The following VAV2 variants were observed in gnomAD, a reference collection of about 807,000 sequenced individuals.
VAV2 encodes vav guanine nucleotide exchange factor 2, also known as guanine nucleotide exchange factor VAV2.
VAV2 carries 67 observed loss-of-function variants against 132.5 expected under a neutral mutation model. That is an observed-to-expected ratio of 0.51 (90% confidence interval 0.42 to 0.62). The LOEUF is 0.62. Ranked by LOEUF, VAV2 falls within the 20% of genes least tolerant of loss-of-function variation. The probability of loss-of-function intolerance (pLI) is 0.00; values close to 1 mark genes in which losing one functional copy is unlikely to be tolerated. For missense variants in VAV2, 938 were observed against 1,153.6 expected (o/e 0.81, Z 2.71); for synonymous variants, 492 against 443.5 (o/e 1.11, Z -1.37).
At chr9:133,915,939 T>TACATGTACACACGATGC (rs1840071190) in intron 2 of VAV2, among the ~76,000 whole-genome samples, 1 of 149,562 alleles carries the variant, frequency 6.7e-6, no homozygotes, top group Non-Finnish European at 1.5e-5. Flanking sequence ...GCACACGATG[T>TACATGTACACACGATGC]ACATGTACAC....
At chr9:133,868,141 A>G (rs1588289552) in intron 2 of VAV2, among the ~76,000 whole-genome samples, 1 of 152,362 alleles carries the variant, frequency 6.6e-6, no homozygotes, top group East Asian at 1.9e-4. Flanking sequence ...AGGTGGCCAC[A>G]GGAATCCTCG....
chr9:133,797,664 T>A, intron 10 of VAV2, 46 bp downstream of exon 10: 2 of 1,571,594 alleles, frequency 1.3e-6, no homozygotes, highest in African/African-American at 1.3e-5. Flanking sequence ...GCCTGCAAGC[T>A]GCAACCTTGG....
chr9:133,776,022 A>T lies in VAV2; in HGVS notation c.2018+6T>A. On this transcript the variant is annotated splice_donor_region_variant and intron_variant, in intron 24 of 29. Transcript: ENST00000371850. ...TGCCCATGTCTGCAGCCCACGATCCACTCACCAGGGGTATGCAGTGTAGTC... is the reference window on the plus strand; with the variant it reads ...TGCCCATGTCTGCAGCCCACGATCCTCTCACCAGGGGTATGCAGTGTAGTC... The T allele has an allele frequency of 6.2e-7, 1 of 1,605,428 alleles. No homozygotes were observed. The highest frequency in any genetic ancestry group is 1.1e-5 in the South Asian group (1 of 90,192).
At chr9:133,872,738 C>T (rs913506693) in intron 2 of VAV2, among the ~76,000 whole-genome samples, 2 of 144,730 alleles carry the variant, frequency 1.4e-5, no homozygotes, top group South Asian at 4.2e-4. Context: ...ACGTCCTCTC[C>T]AGGCGGCCAC....
chr9:133,903,129 G>A (rs1027173477), intron 2 of VAV2, among the ~76,000 whole-genome samples: 6 of 151,266 alleles, frequency 4.0e-5, no homozygotes, highest in African/African-American at 1.5e-4. Context: ...AGGCACAGAG[G>A]AAAGACGACA....
intron 1 of VAV2, among the ~76,000 whole-genome samples, chr9:133,958,959 G>T (rs1207967811): frequency 6.6e-6 from 1 of 152,194 alleles, no homozygotes; most frequent in East Asian, 1.9e-4. Context: ...CCCGCCCCAG[G>T]TGTTATTTTT....
At position 133,969,961 on chromosome 9, in the gene VAV2, G is replaced by C. The variant is rs1335761432; in HGVS notation, c.204+22114C>G. Reference sequence around the variant, plus strand: ...GCACACCCAGGATGAAGCCGGCCCTGCCTCCCTGCAGCCTTCAAGGCAGTG... The same window carrying C: ...GCACACCCAGGATGAAGCCGGCCCTCCCTCCCTGCAGCCTTCAAGGCAGTG... On this transcript the variant is annotated intron_variant, in intron 1 of 29. Coordinates refer to ENST00000371850, the MANE Select transcript of VAV2 (RefSeq NM_001134398.2). This position sits in a 1 kb window ranked among gnomAD's most constrained non-coding sequence, Gnocchi z 5.1. Among the ~76,000 whole-genome samples, 2 of 152,062 alleles carry C rather than the reference G, an allele frequency of 1.3e-5. No individual in the cohort carries two copies. The highest frequency in any genetic ancestry group is 3.9e-4 in the East Asian group (2 of 5,182).
intron 29 of VAV2, among the ~76,000 whole-genome samples, chr9:133,765,951 T>G (rs547134879): frequency 6.6e-6 from 1 of 152,370 alleles, no homozygotes; most frequent in East Asian, 1.9e-4. Context: ...GTTTCAAAAT[T>G]ATGTTACAAA....
intron 9 of VAV2, 73 bp from the exon 10 acceptor site, chr9:133,797,882 AT>A: frequency 4.2e-6 from 6 of 1,440,298 alleles, no homozygotes; most frequent in African/African-American, 1.4e-5. Flanking sequence ...GAGCCCGTCC[AT>A]TTTTCCCAGC....
At chr9:133,949,242 C>G (rs1841473641) in intron 1 of VAV2, among the ~76,000 whole-genome samples, 1 of 152,054 alleles carries the variant, frequency 6.6e-6, no homozygotes, top group African/African-American at 2.4e-5. Context: ...TAGCAAGCTT[C>G]CGGACCCCTG....
intron 1 of VAV2, among the ~76,000 whole-genome samples, chr9:133,970,262 G>A (rs570680601): frequency 7.2e-5 from 11 of 152,268 alleles, no homozygotes; most frequent in Admixed American, 2.0e-4. Flanking sequence ...GGCCCCACCC[G>A]ATGACCCCAC....
intron 9 of VAV2, among the ~76,000 whole-genome samples, chr9:133,801,520 C>T (rs990230570): frequency 2.0e-5 from 3 of 152,210 alleles, no homozygotes; most frequent in Non-Finnish European, 2.9e-5. Flanking sequence ...GAGGGGCCCG[C>T]GCCCTCTCTC....
chr9:133,893,604 G>A (rs561279162), intron 2 of VAV2, among the ~76,000 whole-genome samples: 7 of 152,352 alleles, frequency 4.6e-5, no homozygotes, highest in South Asian at 2.1e-4. Flanking sequence ...TTCAAGAAAC[G>A]GAGTTTGCAG....
rs1376754559 is a variant in VAV2 at position 133,840,315 on chromosome 9, T to G, written c.381-5975A>C. 4.6e-5 allele frequency among the ~76,000 whole-genome samples: 7 copies of G among 152,150 alleles called. No individual in the cohort carries two copies. The highest frequency in any genetic ancestry group is 3.9e-4 in the Admixed American group (6 of 15,276). On this transcript the variant is annotated intron_variant, in intron 3 of 29. Transcript: ENST00000371850. This position sits in a 1 kb window ranked among gnomAD's most constrained non-coding sequence, Gnocchi z 4.5. The stretch of plus-strand genomic sequence containing the variant: ...GCACAGGAAGCAGAGAAGCCCCAAG[T>G]GCTGAGTGCAGAGAAATCCCCAGCA...
chr9:133,966,134 A>T (rs1842133155), intron 1 of VAV2, among the ~76,000 whole-genome samples: 1 of 152,260 alleles, frequency 6.6e-6, no homozygotes, highest in South Asian at 2.1e-4. Flanking sequence ...AATCAAATCA[A>T]ATGGGATTAA....
chr9:133,917,080 C>A (rs1183425614), intron 2 of VAV2, among the ~76,000 whole-genome samples: 1 of 152,186 alleles, frequency 6.6e-6, no homozygotes, highest in African/African-American at 2.4e-5. Flanking sequence ...TTCTCTACTG[C>A]AAATCTCTTT....
intron 3 of VAV2, 167 bp downstream of exon 3, chr9:133,861,207 A>G (rs1588280797): frequency 1.6e-6 from 1 of 636,640 alleles, no homozygotes; most frequent in Non-Finnish European, 2.5e-6. Context: ...CGCCCCCCAC[A>G]CCCCTTCCTG....
chr9:133,877,478 C>T (rs1216780634), intron 2 of VAV2, among the ~76,000 whole-genome samples: 1 of 152,218 alleles, frequency 6.6e-6, no homozygotes, highest in Non-Finnish European at 1.5e-5. Context: ...AGTTACCCCA[C>T]TGCCTCCATG....
intron 4 of VAV2, among the ~76,000 whole-genome samples, chr9:133,818,361 A>G (rs546970808): frequency 2.7e-4 from 36 of 132,484 alleles, no homozygotes; most frequent in Non-Finnish European, 4.3e-4. Flanking sequence ...GCAAGACTCC[A>G]TCTCAAAAAA....
Sources: allele counts gnomAD v4.1 joint callset (sites outside exome capture counted in the v4.1 genomes callset), GRCh38; gene constraint gnomAD v4.1.1; non-coding constraint Gnocchi (gnomAD v3.1); transcripts MANE v1.5; gene names NCBI Gene and HGNC (gene_info 2026-07-23, HGNC 2026-07-21).